Variants in AATK observed in about 807,000 individuals in gnomAD.
The protein encoded by AATK is serine/threonine-protein kinase LMTK1.
A neutral mutation model predicts 114.3 loss-of-function variants in AATK; 91 were observed. The ratio of observed to expected loss-of-function variants is 0.80; its 90% CI spans 0.67 to 0.95. The LOEUF (loss-of-function observed/expected upper bound fraction) is 0.95. Ranked by LOEUF, AATK falls within the 40% of genes least tolerant of loss-of-function variation. The pLI, the probability that AATK is intolerant of heterozygous loss-of-function variation, is 0.00. For missense variants in AATK, 2,176 were observed against 1,965.2 expected (o/e 1.11, Z -2.03); for synonymous variants, 1,075 against 916.5 (o/e 1.17, Z -3.12).
rs889371075 is a variant in AATK at position 81,122,754 on chromosome 17, C to T, written c.1182G>A (p.Leu394=). 5 of 1,599,886 alleles carry T rather than the reference C, an allele frequency of 3.1e-6. No individual in the cohort carries two copies. The Admixed American group carries it at 8.5e-5, about 27-fold the overall frequency. Residue 394 remains leucine (L), a synonymous_variant, in exon 11 of 14, where the codon CTG becomes CTA. Transcript: ENST00000326724. ...CGCCCTTGGCACACAGGTAGGACAG[C>T]AGCAGGTGCACCTCCTCGGCTGTGG... The part of the protein sequence containing the change: ...QRPTAEEVHL[L]LSYLCAKGAT...
chr17:81,133,512 T>C (rs919641865), intron 2 of AATK, among the ~76,000 whole-genome samples: 4 of 152,100 alleles, frequency 2.6e-5, no homozygotes, highest in African/African-American at 9.7e-5. Context: ...TCTCCTGGCG[T>C]AGGAATCTGA....
intron 1 of AATK, among the ~76,000 whole-genome samples, chr17:81,158,788 GGGCGTTATAAAAA>G (rs1300787034): frequency 6.6e-6 from 1 of 152,194 alleles, no homozygotes; most frequent in Non-Finnish European, 1.5e-5. Flanking sequence ...TCACGAGCCC[GGGCGTTATAAAAA>G]CAGCAGCCAG....
At chr17:81,153,952 T>C (rs2061329710) in intron 1 of AATK, among the ~76,000 whole-genome samples, 1 of 152,058 alleles carries the variant, frequency 6.6e-6, no homozygotes, top group East Asian at 1.9e-4. Context: ...GCACCTGTAA[T>C]ACCAGCTACT....
intron 1 of AATK, among the ~76,000 whole-genome samples, chr17:81,140,830 GA>G (rs1379859315): frequency 2.4e-4 from 33 of 139,580 alleles, no homozygotes; most frequent in East Asian, 2.0e-3. Context: ...GGGGCCGGGA[GA>G]CCGTGGGGCC....
At chr17:81,128,019 T>A in intron 4 of AATK, 109 bp from the exon 5 acceptor site, 1 of 1,331,190 alleles carries the variant, frequency 7.5e-7, no homozygotes, top group South Asian at 1.4e-5. Context: ...ACAGGACACT[T>A]CTCCTCCTGT....
In AATK at chr17:81,127,647, A is replaced by G; in HGVS notation, c.557T>C (p.Leu186Pro). The G allele has an allele frequency of 1.3e-6, 2 of 1,595,182 alleles. No homozygotes were observed. Among genetic ancestry groups the G allele is most frequent in the Non-Finnish European group, 1.7e-6 (2 of 1,171,486 alleles). ...PYRALKHSNLLQCLAQCAEVT... is the reference protein window; with the variant it reads ...PYRALKHSNLPQCLAQCAEVT... ...CTCGGCGCACTGGGCCAGGCACTGG[A>G]GCAGGTTGCTGTGCTTCAGGGCCCT... The change falls in exon 6 of 14, where the codon CTC becomes CCC. Residue 186 changes from leucine to proline, a missense_variant. Leu to Pro is a moderately conservative substitution (Grantham distance 98, BLOSUM62 -3). Coordinates refer to ENST00000326724, the MANE Select transcript of AATK (RefSeq NM_001080395.3).
At chr17:81,137,899 CACAT>C (rs572111045) in intron 1 of AATK, among the ~76,000 whole-genome samples, 80 of 147,204 alleles carry the variant, frequency 5.4e-4, no homozygotes, top group African/African-American at 1.8e-3. Flanking sequence ...TACCCACGTG[CACAT>C]ACACACGGGC....
intron 1 of AATK, among the ~76,000 whole-genome samples, chr17:81,144,011 CTGCAGG>C (rs2061179347): frequency 6.6e-6 from 1 of 152,206 alleles, no homozygotes; most frequent in South Asian, 2.1e-4. Flanking sequence ...AGCTGCCTTC[CTGCAGG>C]GACGGGTGGC....
At position 81,151,548 on chromosome 17, in the gene AATK, T is replaced by A. The variant is rs188425573; in HGVS notation, c.55+14390A>T. ...CGGCCTCCCCCATCTGGCTGGTCAC[T>A]TGGGCCCATCTGCCCCCAGCCTCCC... On this transcript the variant is annotated intron_variant, in intron 1 of 13. Coordinates refer to ENST00000326724, the MANE Select transcript of AATK (RefSeq NM_001080395.3). Among the ~76,000 whole-genome samples, 412 of 152,138 alleles carry A rather than the reference T, an allele frequency of 2.7e-3. 3 individuals carry two copies. The highest frequency in any genetic ancestry group is 9.5e-3 in the African/African-American group (395 of 41,496).
rs373751318 is a variant in AATK, at chr17:81,124,864, C to T, written c.841-16G>A. 7 of 1,597,544 alleles carry T rather than the reference C, an allele frequency of 4.4e-6. No individual in the cohort carries two copies. Among genetic ancestry groups the T allele is most frequent in the East Asian group, 4.5e-5 (2 of 44,002 alleles). On this transcript the variant is annotated splice_polypyrimidine_tract_variant and intron_variant, in intron 8 of 13. Transcript: ENST00000326724. Reference sequence around the variant, plus strand: ...AGTAGTCCTCCTGTTGGCACAGGGACGGGTCACCCCTGCCGGCGCAGGCCC... The same window carrying T: ...AGTAGTCCTCCTGTTGGCACAGGGATGGGTCACCCCTGCCGGCGCAGGCCC...
intron 2 of AATK, chr17:81,133,238 G>C (rs761225881): frequency 6.1e-6 from 3 of 491,858 alleles, no homozygotes; most frequent in South Asian, 4.5e-5. Flanking sequence ...TGAATGGGCT[G>C]GAAAATGTGG....
In AATK at chr17:81,142,392, C is replaced by G. The variant is rs1474688144; in HGVS notation, c.56-7891G>C. On this transcript the variant is annotated intron_variant, in intron 1 of 13. Transcript: ENST00000326724. ...GGCTCAAATAATCCTCCCACCTTAG[C>G]CTCCCAAGTAGCTGAGACCACAGCC... Among the ~76,000 whole-genome samples, 3 of 152,214 alleles carry G rather than the reference C, an allele frequency of 2.0e-5. No homozygotes were observed. The East Asian group carries it at 5.8e-4, about 29-fold the overall frequency.
Position 81,117,613 on chromosome 17 carries a change from A to C in AATK, c.*789T>G, listed in dbSNP as rs1415726350. On this transcript the variant is annotated 3_prime_UTR_variant, in exon 14 of 14. Coordinates refer to ENST00000326724, the MANE Select transcript of AATK (RefSeq NM_001080395.3). Reference sequence around the variant, plus strand: ...CCCACTCTCCTTTGGCAGCTGGGGCACAGGACCAGATACTGCCCCACAGAG... The same window carrying C: ...CCCACTCTCCTTTGGCAGCTGGGGCCCAGGACCAGATACTGCCCCACAGAG... 3.3e-5 allele frequency: 5 copies of C among 152,352 alleles called. No individual in the cohort carries two copies. The highest frequency in any genetic ancestry group is 1.2e-4 in the African/African-American group (5 of 41,564). 9.4% of individuals were successfully genotyped at this position (152,352 alleles called of 1,614,324 possible).
At chr17:81,124,617 A>C (rs2060769849) in intron 9 of AATK, 110 bp downstream of exon 9, 2 of 1,523,338 alleles carry the variant, frequency 1.3e-6, no homozygotes, top group Admixed American at 1.9e-5. Flanking sequence ...TGGCCACTAC[A>C]GGTGGCTCCG....
At chr17:81,128,406 T>G (rs1598924704) in intron 4 of AATK, 64 bp downstream of exon 4, 1 of 1,532,938 alleles carries the variant, frequency 6.5e-7, no homozygotes, top group Non-Finnish European at 8.8e-7. Context: ...GAGGAGCAGG[T>G]CTGCAGCCCT....
intron 8 of AATK, 25 bp downstream of exon 8, chr17:81,124,905 G>GGGGCCCCCCC: frequency 1.3e-6 from 2 of 1,503,244 alleles, no homozygotes; most frequent in South Asian, 2.4e-5. Context: ...CTCATGCCCA[G>GGGGCCCCCCC]CCCAGCCCAC....
intron 1 of AATK, among the ~76,000 whole-genome samples, chr17:81,146,561 C>T (rs2061223272): frequency 6.6e-6 from 1 of 151,852 alleles, no homozygotes; most frequent in Non-Finnish European, 1.5e-5. Flanking sequence ...ACTAAAAATA[C>T]AAAAATTAGC....
At chr17:81,123,457 G>A in intron 9 of AATK, 114 bp from the exon 10 acceptor site, 1 of 1,000,806 alleles carries the variant, frequency 1.0e-6, no homozygotes, top group African/African-American at 1.7e-5. Context: ...AGTGCCTCAG[G>A]ACCGGGGCCT....
At chr17:81,135,041 G>A (rs1226557703) in intron 1 of AATK, among the ~76,000 whole-genome samples, 3 of 152,138 alleles carry the variant, frequency 2.0e-5, no homozygotes, top group Non-Finnish European at 4.4e-5. Flanking sequence ...AGGCAGCAGG[G>A]CTCCCGTGTG....
Sources: gnomAD v4.1 joint callset for allele counts (sites outside exome capture counted in the v4.1 genomes callset) on GRCh38, gnomAD v4.1.1 for gene constraint, MANE v1.5 for transcripts, NCBI Gene and HGNC (gene_info 2026-07-23, HGNC 2026-07-21) for gene names.